Variants in HAPLN1 observed in about 807,000 individuals in gnomAD.
The protein encoded by HAPLN1 is hyaluronan and proteoglycan link protein 1.
A neutral mutation model predicts 36.5 loss-of-function variants in HAPLN1; 13 were observed. The ratio of observed to expected loss-of-function variants is 0.36; its 90% CI spans 0.23 to 0.57. The LOEUF is 0.57. HAPLN1 is among the 20% of genes least tolerant of loss of function. HAPLN1 has a pLI of 0.83. For synonymous variants in HAPLN1, 202 were observed against 169.8 expected (o/e 1.19, Z -1.48); for missense variants, 407 against 439.7 (o/e 0.93, Z 0.66).
chr5:83,667,264 AT>A (rs2112589452), intron 2 of HAPLN1, among the ~76,000 whole-genome samples: 1 of 152,270 alleles, frequency 6.6e-6, no homozygotes, highest in South Asian at 2.1e-4. Flanking sequence ...ATATGGTGAT[AT>A]TCCAAGTTTG....
intron 3 of HAPLN1, among the ~76,000 whole-genome samples, chr5:83,648,398 T>C (rs1479084675): frequency 4.0e-3 from 129 of 32,424 alleles, no homozygotes; most frequent in African/African-American, 0.012. Context: ...TATTTGACTA[T>C]ATATATATAT....
At chr5:83,705,728 G>A (rs1305300446) in intron 1 of HAPLN1, among the ~76,000 whole-genome samples, 2 of 151,990 alleles carry the variant, frequency 1.3e-5, no homozygotes, top group Non-Finnish European at 2.9e-5. Flanking sequence ...CAAAATCAGA[G>A]CTAAATGGAA....
chr5:83,684,709 A>G (rs533130560), intron 1 of HAPLN1, among the ~76,000 whole-genome samples: 1 of 152,236 alleles, frequency 6.6e-6, no homozygotes, highest in Non-Finnish European at 1.5e-5. Context: ...GTGAGATTGG[A>G]CAGGGAGTCA....
chr5:83,690,132 C>T (rs1252374394), intron 1 of HAPLN1, among the ~76,000 whole-genome samples: 2 of 152,034 alleles, frequency 1.3e-5, no homozygotes, highest in African/African-American at 4.8e-5. Context: ...TTCCTGGCAT[C>T]AGTACTCCTC....
intron 1 of HAPLN1, among the ~76,000 whole-genome samples, chr5:83,715,755 A>G (rs115804912): frequency 2.0e-5 from 3 of 152,324 alleles, no homozygotes; most frequent in African/African-American, 7.2e-5. Context: ...CACACAGCCA[A>G]GAAACAAAGC....
chr5:83,668,021 G>C (rs1394913799), intron 2 of HAPLN1, among the ~76,000 whole-genome samples: 1 of 152,014 alleles, frequency 6.6e-6, no homozygotes, highest in African/African-American at 2.4e-5. Flanking sequence ...TATTTCCCTG[G>C]GATTTGGAAA....
chr5:83,705,387 C>CAAAAAAAAAAAAAAAAAAA (rs762927081), intron 1 of HAPLN1, among the ~76,000 whole-genome samples: 1 of 85,424 alleles, frequency 1.2e-5, no homozygotes, highest in African/African-American at 4.8e-5. Flanking sequence ...TGAAACGTCA[C>CAAAAAAAAAAAAAAAAAAA]AAAAAAAAAA....
In HAPLN1 at chr5:83,641,674, C is replaced by A. The variant is rs764483340; in HGVS notation, c.887G>T (p.Trp296Leu). 6.2e-7 allele frequency: 1 copy of A among 1,614,186 alleles called. No individual in the cohort carries two copies. The highest frequency in any genetic ancestry group is 8.5e-7 in the Non-Finnish European group (1 of 1,180,034). ...IAKVGQIFAA[W>L]KILGYDRCDA... ...ACAGCGGTCATATCCGAGAATTTTC[C>A]AGGCAGCAAATATCTGGCCCACTTT... The change falls in exon 5 of 5, where the codon TGG (tryptophan) becomes TTG (leucine). Residue 296 changes from tryptophan (W) to leucine (L), a missense_variant. Transcript: ENST00000274341.
intron 1 of HAPLN1, among the ~76,000 whole-genome samples, chr5:83,682,962 T>C (rs1751041786): frequency 6.6e-6 from 1 of 152,170 alleles, no homozygotes; most frequent in African/African-American, 2.4e-5. Flanking sequence ...ACTTTCTTTA[T>C]AGGCATGGAA....
chr5:83,706,103 C>CAAAAAA (rs771717902), intron 1 of HAPLN1, among the ~76,000 whole-genome samples: 1 of 92,350 alleles, frequency 1.1e-5, no homozygotes, highest in Non-Finnish European at 2.3e-5. Flanking sequence ...GCCTACCAAT[C>CAAAAAA]GAAAAAAAAA....
At chr5:83,655,088 A>G (rs1750176062) in intron 2 of HAPLN1, among the ~76,000 whole-genome samples, 1 of 152,204 alleles carries the variant, frequency 6.6e-6, no homozygotes, top group African/African-American at 2.4e-5. Context: ...AATTTCACTT[A>G]TTTATAAAGT....
At chr5:83,695,245 C>T (rs1355339237) in intron 1 of HAPLN1, among the ~76,000 whole-genome samples, 2 of 152,112 alleles carry the variant, frequency 1.3e-5, no homozygotes, top group African/African-American at 4.8e-5. Context: ...CCTGCCTCAG[C>T]CTCCCGAGTA....
intron 2 of HAPLN1, among the ~76,000 whole-genome samples, chr5:83,672,845 T>C (rs1750764101): frequency 6.6e-6 from 1 of 152,212 alleles, no homozygotes; most frequent in African/African-American, 2.4e-5. Flanking sequence ...ACTGAGGAAA[T>C]AGCTGCATTG....
chr5:83,693,785 C>G (rs924097171), intron 1 of HAPLN1, among the ~76,000 whole-genome samples: 13 of 151,744 alleles, frequency 8.6e-5, no homozygotes, highest in African/African-American at 3.1e-4. Flanking sequence ...AACATTACAA[C>G]ATTAAAAATG....
intron 3 of HAPLN1, among the ~76,000 whole-genome samples, chr5:83,647,139 T>C (rs1749901355): frequency 6.6e-6 from 1 of 152,230 alleles, no homozygotes; most frequent in Non-Finnish European, 1.5e-5. Flanking sequence ...TGTCCTTGAT[T>C]AACCACTGAA....
chr5:83,719,836 T>A (rs1329314803), intron 1 of HAPLN1, among the ~76,000 whole-genome samples: 1 of 152,198 alleles, frequency 6.6e-6, no homozygotes, highest in Non-Finnish European at 1.5e-5. Context: ...TCCACAGCCT[T>A]AATTTCTTAA....
intron 1 of HAPLN1, among the ~76,000 whole-genome samples, chr5:83,694,763 A>G (rs970979723): frequency 6.6e-6 from 1 of 152,146 alleles, no homozygotes; most frequent in African/African-American, 2.4e-5. Flanking sequence ...CCCATGAATA[A>G]CAACAAAAAT....
intron 3 of HAPLN1, among the ~76,000 whole-genome samples, chr5:83,645,471 CTTTCT>C (rs1173297076): frequency 4.9e-5 from 1 of 20,320 alleles, no homozygotes; most frequent in African/African-American, 2.8e-4. Context: ...TTTTCTTTTT[CTTTCT>C]TTTTTTTTTT....
At chr5:83,642,785 A>T (rs1308259014) in intron 4 of HAPLN1, among the ~76,000 whole-genome samples, 1 of 152,030 alleles carries the variant, frequency 6.6e-6, no homozygotes, top group African/African-American at 2.4e-5. Context: ...TGGCCACTGG[A>T]ATATTAACTA....
Sources: gnomAD v4.1 joint callset for allele counts (sites outside exome capture counted in the v4.1 genomes callset) on GRCh38, gnomAD v4.1.1 for gene constraint, MANE v1.5 for transcripts, NCBI Gene and HGNC (gene_info 2026-07-23, HGNC 2026-07-21) for gene names.